The following ADAM20 variants were observed in gnomAD, a reference collection of about 807,000 sequenced individuals.
ADAM20 encodes the protein disintegrin and metalloproteinase domain-containing protein 20.
For missense variants in ADAM20, 871 were observed against 883.2 expected (o/e 0.99, Z 0.18); for synonymous variants, 305 against 310.2 (o/e 0.98, Z 0.18).
Position 70,524,482 on chromosome 14 carries a change from G to A in ADAM20, c.276C>T (p.Tyr92=), listed in dbSNP as rs878918875. ...LFAAHLPVFT[Y]TEQHALLQDQ... ...CCTGGAGCAGGGCATGCTGCTCTGT[G>A]TAGGTGAACACAGGAAGGTGTGCAG... Residue 92 remains tyrosine (Y), a synonymous_variant, in exon 2 of 2, where the codon TAC becomes TAT. Coordinates refer to ENST00000256389, the MANE Select transcript of ADAM20 (RefSeq NM_003814.5). 4 of 1,614,006 alleles carry A rather than the reference G, an allele frequency of 2.5e-6. No homozygotes were observed. In the South Asian group the frequency reaches 3.3e-5, roughly 13 times the overall value.
In ADAM20 at chr14:70,522,948, C is replaced by G. The variant is rs1336562817; in HGVS notation, c.1810G>C (p.Asp604His). Reference protein sequence around the residue: ...TDYHLGMAIPDIGEVKDGTVC... With the variant: ...TDYHLGMAIPHIGEVKDGTVC... Reference sequence around the variant, plus strand: ...GTGCCATCTTTCACCTCACCAATATCAGGTATAGCCATCCCTAAATGATAA... The same window carrying G: ...GTGCCATCTTTCACCTCACCAATATGAGGTATAGCCATCCCTAAATGATAA... The change falls in exon 2 of 2, where the codon GAT becomes CAT. Residue 604 changes from aspartate (D) to histidine (H), a missense_variant. Physicochemically the swap from Asp to His is moderately conservative, Grantham distance 81. Transcript: ENST00000256389. 2 of 1,613,956 alleles carry G rather than the reference C, an allele frequency of 1.2e-6. No homozygotes were observed. Among genetic ancestry groups the G allele is most frequent in the Non-Finnish European group, 1.7e-6 (2 of 1,179,970 alleles).
chr14:70,570,046 G>C, the ADAM20 span, among the ~76,000 whole-genome samples: 1 of 150,898 alleles, frequency 6.6e-6, no homozygotes, highest in Non-Finnish European at 1.5e-5. Flanking sequence ...TTGACCACAA[G>C]CTCGGTCATA....
Position 70,523,746 on chromosome 14 carries a change from T to G in ADAM20, c.1012A>C (p.Ile338Leu). 6.2e-7 allele frequency: 1 copy of G among 1,614,036 alleles called. No homozygotes were observed. The change falls in exon 2 of 2, where the codon ATT becomes CTT. Residue 338 changes from isoleucine to leucine, a missense_variant. Transcript: ENST00000256389. Reference sequence around the variant, plus strand: ...TGACCAAGCTCGTGGCCCAAAGTAATTGCAAAAACGACCAACCTGTTGTCT... The same window carrying G: ...TGACCAAGCTCGTGGCCCAAAGTAAGTGCAAAAACGACCAACCTGTTGTCT... ...FEDNRLVVFA[I>L]TLGHELGHNL...
the ADAM20 span, among the ~76,000 whole-genome samples, chr14:70,574,103 G>A: frequency 6.6e-6 from 1 of 152,058 alleles, no homozygotes; most frequent in Non-Finnish European, 1.5e-5. Flanking sequence ...GATCACCTTA[G>A]GCCACATAAC....
chr14:70,524,139 G>A lies in ADAM20; in HGVS notation c.619C>T (p.Arg207Trp), dbSNP rs199933064. The stretch of plus-strand genomic sequence containing the variant: ...ACGACCACTACCAGCTCAACAAACC[G>A]CTGATGGGTCCACCAGCCCACAAAA... The part of the protein sequence containing the change: ...SSFVGWWTHQ[R>W]FVELVVVVDN... The change falls in exon 2 of 2, where the codon CGG becomes TGG. Residue 207 changes from arginine to tryptophan, a missense_variant. Arg to Trp is a moderately radical substitution (Grantham distance 101, BLOSUM62 -3). Transcript: ENST00000256389. 49 of 1,613,690 alleles carry A rather than the reference G, an allele frequency of 3.0e-5. No homozygotes were observed. Among genetic ancestry groups the A allele is most frequent in the East Asian group, 1.8e-4 (8 of 44,860 alleles).
At chr14:70,560,714 C>A in the ADAM20 span, among the ~76,000 whole-genome samples, 1 of 151,908 alleles carries the variant, frequency 6.6e-6, no homozygotes, top group East Asian at 1.9e-4. Context: ...GTAGCACTTC[C>A]CCCTTCACTC....
the ADAM20 span, among the ~76,000 whole-genome samples, chr14:70,546,766 A>G: frequency 1.1e-3 from 170 of 152,330 alleles, 1 homozygote; most frequent in South Asian, 8.1e-3. Context: ...AAGCAACAGC[A>G]AACCAAACCC....
intron 1 of ADAM20, among the ~76,000 whole-genome samples, chr14:70,529,012 A>C (rs1280297648): frequency 6.6e-6 from 1 of 152,232 alleles, no homozygotes; most frequent in Non-Finnish European, 1.5e-5. Flanking sequence ...TATGCACCCA[A>C]CATTGGAGAA....
chr14:70,533,895 C>CA (rs931286245), intron 1 of ADAM20, among the ~76,000 whole-genome samples: 5 of 151,316 alleles, frequency 3.3e-5, no homozygotes, highest in African/African-American at 1.2e-4. Context: ...CCAGTCTGGC[C>CA]AAAATGGTGA....
chr14:70,560,397 G>C, the ADAM20 span, among the ~76,000 whole-genome samples: 1 of 152,152 alleles, frequency 6.6e-6, no homozygotes, highest in African/African-American at 2.4e-5. Flanking sequence ...CAGCTTTCCA[G>C]TAACATATCA....
chr14:70,549,150 G>A, the ADAM20 span, among the ~76,000 whole-genome samples: 1 of 85,110 alleles, frequency 1.2e-5, no homozygotes, highest in African/African-American at 5.6e-5. Flanking sequence ...AGCTCCTGAA[G>A]GAAGCGCTAA....
the ADAM20 span, among the ~76,000 whole-genome samples, chr14:70,562,912 T>C: frequency 6.6e-6 from 1 of 152,126 alleles, no homozygotes. Context: ...AATGGAGAAA[T>C]ATATGTTTCT....
At position 70,522,964 on chromosome 14, in the gene ADAM20, T is replaced by C. The variant is rs1375476143; in HGVS notation, c.1794A>G (p.Leu598=). 6.2e-7 allele frequency: 1 copy of C among 1,614,052 alleles called. No homozygotes were observed. Reference sequence around the variant, plus strand: ...CACCAATATCAGGTATAGCCATCCCTAAATGATAATCAGTGCCCCAGCAAG... The same window carrying C: ...CACCAATATCAGGTATAGCCATCCCCAAATGATAATCAGTGCCCCAGCAAG... The part of the protein sequence containing the change: ...DTTCWGTDYH[L]GMAIPDIGEV... Residue 598 remains leucine, a synonymous_variant, in exon 2 of 2, where the codon TTA becomes TTG. Transcript: ENST00000256389.
chr14:70,566,068 T>A, the ADAM20 span, among the ~76,000 whole-genome samples: 2 of 152,114 alleles, frequency 1.3e-5, no homozygotes, highest in African/African-American at 4.8e-5. Context: ...AAACGCTACA[T>A]GAAGTTGCTC....
the ADAM20 span, among the ~76,000 whole-genome samples, chr14:70,558,299 T>G: frequency 1.3e-5 from 2 of 152,220 alleles, no homozygotes. Context: ...TGAAGTAGTT[T>G]CAAAAAGGAA....
At chr14:70,554,156 T>G in the ADAM20 span, among the ~76,000 whole-genome samples, 28 of 152,074 alleles carry the variant, frequency 1.8e-4, no homozygotes, top group Admixed American at 1.8e-3. Context: ...AAAAAAGTAA[T>G]CCCATTTACA....
the ADAM20 span, among the ~76,000 whole-genome samples, chr14:70,575,230 G>C: frequency 2.8e-3 from 420 of 151,018 alleles, 1 homozygote; most frequent in African/African-American, 1.0e-2. Context: ...AGTCTTGCTC[G>C]GTCACTCAGG....
the ADAM20 span, chr14:70,557,145 A>C: frequency 6.6e-6 from 1 of 152,126 alleles, no homozygotes; most frequent in African/African-American, 2.4e-5. Context: ...TCCAAGGTAA[A>C]ACAACATAAT....
rs1273562476 is a variant in ADAM20, at chr14:70,523,342, A to C, written c.1416T>G (p.Cys472Trp). Residue 472 changes from cysteine to tryptophan, a missense_variant, in exon 2 of 2, where the codon TGT becomes TGG. Physicochemically the swap from Cys to Trp is radical, Grantham distance 215. Transcript: ENST00000256389. ...GTLCRQQVGE[C>W]DLPEWCNGTS... ...TCCCATTGCACCACTCTGGAAGGTCACATTCACCAACTTGTTGTCTACATA... is the reference window on the plus strand; with the variant it reads ...TCCCATTGCACCACTCTGGAAGGTCCCATTCACCAACTTGTTGTCTACATA... The C allele has an allele frequency of 6.2e-7, 1 of 1,614,100 alleles. No homozygotes were observed.
Sources: allele counts gnomAD v4.1 joint callset (sites outside exome capture counted in the v4.1 genomes callset), GRCh38; gene constraint gnomAD v4.1.1; transcripts MANE v1.5; gene names NCBI Gene and HGNC (gene_info 2026-07-23, HGNC 2026-07-21).